Variants in LDLRAD4 observed in about 807,000 individuals in gnomAD.
LDLRAD4 encodes low-density lipoprotein receptor class A domain-containing protein 4.
A neutral mutation model predicts 17.0 loss-of-function variants in LDLRAD4; 5 were observed. That is an observed-to-expected ratio of 0.29 (90% CI 0.15 to 0.62). LDLRAD4 has a LOEUF of 0.62. Among genes scored for constraint, LDLRAD4 ranks in the 20% least tolerant of loss-of-function variants. The probability of loss-of-function intolerance (pLI) is 0.84; values close to 1 mark genes in which losing one functional copy is unlikely to be tolerated. For synonymous variants in LDLRAD4, 168 were observed against 171.8 expected, an observed-to-expected ratio of 0.98 and a Z score of 0.17; for missense variants, 340 against 424.7, an observed-to-expected ratio of 0.80 and a Z score of 1.75.
intron 2 of LDLRAD4, among the ~76,000 whole-genome samples, chr18:13,425,072 C>T (rs2089816955): frequency 1.3e-5 from 2 of 152,028 alleles, no homozygotes; most frequent in Admixed American, 6.5e-5. Context: ...GTTCTGGGAC[C>T]CAGGGAAATA....
chr18:13,326,749 C>T (rs528872502), intron 1 of LDLRAD4, among the ~76,000 whole-genome samples: 78 of 151,818 alleles, frequency 5.1e-4, no homozygotes, highest in African/African-American at 1.7e-3. Flanking sequence ...TTCCCTTTTG[C>T]GTAAGGAATT....
intron 3 of LDLRAD4, among the ~76,000 whole-genome samples, chr18:13,452,299 C>T (rs766147007): frequency 2.1e-4 from 32 of 152,264 alleles, no homozygotes; most frequent in Non-Finnish European, 7.4e-5. Flanking sequence ...ACGGTGGCAG[C>T]GGCGGCTCCT....
chr18:13,513,444 A>C (rs1323879682), intron 3 of LDLRAD4, among the ~76,000 whole-genome samples: 1 of 152,140 alleles, frequency 6.6e-6, no homozygotes, highest in Non-Finnish European at 1.5e-5. Flanking sequence ...GGCCATACTT[A>C]TATAGTTAAG....
intron 3 of LDLRAD4, chr18:13,616,013 T>C (rs1397044513): frequency 1.3e-5 from 2 of 152,250 alleles, no homozygotes; most frequent in African/African-American, 2.4e-5. Flanking sequence ...GTTTTATTTT[T>C]CTAAACTTTC....
intron 1 of LDLRAD4, among the ~76,000 whole-genome samples, chr18:13,332,710 A>G (rs1015065356): frequency 2.7e-5 from 4 of 147,848 alleles, no homozygotes; most frequent in Admixed American, 1.3e-4. Context: ...ATGTTCTCCT[A>G]TGCCTTTTTG....
chr18:13,463,394 A>G (rs2092505340), intron 3 of LDLRAD4, among the ~76,000 whole-genome samples: 1 of 152,182 alleles, frequency 6.6e-6, no homozygotes, highest in Non-Finnish European at 1.5e-5. Flanking sequence ...ATCCCAGGGC[A>G]CCTGCCTGAC....
intron 3 of LDLRAD4, chr18:13,461,269 G>A (rs955041787): frequency 6.6e-6 from 1 of 152,426 alleles, no homozygotes; most frequent in Non-Finnish European, 1.5e-5. Flanking sequence ...GATAGCCTTG[G>A]GGACTGCATG....
Position 13,579,002 on chromosome 18 carries a change from A to G in LDLRAD4, c.182-42115A>G, listed in dbSNP as rs151148233. 0.022 allele frequency among the ~76,000 whole-genome samples: 3,362 copies of G among 151,878 alleles called. 266 individuals carry two copies. The East Asian group carries it at 0.26, about 12-fold the overall frequency. On this transcript the variant is annotated intron_variant, in intron 3 of 5. Coordinates refer to ENST00000359446, the Ensembl canonical transcript of LDLRAD4. ...TCAGGAGATCGAGACCATCCTGACT[A>G]ACACGGTGAAACCCCGTCTCTACTA...
At chr18:13,481,892 T>G (rs2093095921) in intron 3 of LDLRAD4, among the ~76,000 whole-genome samples, 1 of 152,050 alleles carries the variant, frequency 6.6e-6, no homozygotes, top group Non-Finnish European at 1.5e-5. Context: ...GAGTGGAGTT[T>G]GCTGGGCAGG....
intron 3 of LDLRAD4, among the ~76,000 whole-genome samples, chr18:13,506,855 A>G (rs971696516): frequency 6.6e-6 from 1 of 152,236 alleles, no homozygotes; most frequent in Non-Finnish European, 1.5e-5. Context: ...CATGGCACTC[A>G]TCTGTCATTT....
At chr18:13,247,247 G>A (rs2042999736) in intron 1 of LDLRAD4, among the ~76,000 whole-genome samples, 1 of 152,140 alleles carries the variant, frequency 6.6e-6, no homozygotes, top group Non-Finnish European at 1.5e-5. Context: ...TGAAATAATT[G>A]TAGATTTTCA....
chr18:13,308,561 C>T (rs1046228337), intron 1 of LDLRAD4, among the ~76,000 whole-genome samples: 18 of 152,128 alleles, frequency 1.2e-4, no homozygotes, highest in Non-Finnish European at 2.6e-4. Flanking sequence ...GGTGCCTGTT[C>T]GACCACATCC....
At chr18:13,449,627 T>C (rs2091661093) in intron 3 of LDLRAD4, among the ~76,000 whole-genome samples, 1 of 152,278 alleles carries the variant, frequency 6.6e-6, no homozygotes, top group Non-Finnish European at 1.5e-5. Context: ...CCAGGCTGTC[T>C]GCTGTGGATG....
intron 3 of LDLRAD4, among the ~76,000 whole-genome samples, chr18:13,532,010 A>G (rs2094136063): frequency 6.6e-6 from 1 of 152,068 alleles, no homozygotes; most frequent in South Asian, 2.1e-4. Context: ...CAATGTAGGC[A>G]GAGTGTGGTC....
chr18:13,366,584 G>A (rs1459330168), intron 1 of LDLRAD4, among the ~76,000 whole-genome samples: 1 of 152,210 alleles, frequency 6.6e-6, no homozygotes, highest in Non-Finnish European at 1.5e-5. Flanking sequence ...ATTTGATACT[G>A]AAACTTCAGC....
chr18:13,268,303 C>A (rs549444773), intron 1 of LDLRAD4, among the ~76,000 whole-genome samples: 16 of 152,332 alleles, frequency 1.1e-4, no homozygotes, highest in African/African-American at 3.8e-4. Flanking sequence ...CTGCTTCCCT[C>A]CCCTGTTGGG....
At chr18:13,403,481 A>C (rs1465205788) in intron 2 of LDLRAD4, among the ~76,000 whole-genome samples, 1 of 152,244 alleles carries the variant, frequency 6.6e-6, no homozygotes, top group African/African-American at 2.4e-5. Context: ...TTGCTTTCAG[A>C]ATAAATGGCA....
chr18:13,518,893 G>A (rs1304797786), intron 3 of LDLRAD4, among the ~76,000 whole-genome samples: 2 of 152,062 alleles, frequency 1.3e-5, no homozygotes, highest in Admixed American at 6.6e-5. Context: ...CTTGCAGGCC[G>A]CTAGGGTAGG....
intron 3 of LDLRAD4, among the ~76,000 whole-genome samples, chr18:13,495,485 G>T (rs2093449829): frequency 6.6e-6 from 1 of 152,316 alleles, no homozygotes. Flanking sequence ...TCCCTTGCGG[G>T]ATCCCACTTA....
Sources: gnomAD v4.1 joint callset for allele counts (sites outside exome capture counted in the v4.1 genomes callset) on GRCh38, gnomAD v4.1.1 for gene constraint, MANE v1.5 for transcripts, NCBI Gene and HGNC (gene_info 2026-07-23, HGNC 2026-07-21) for gene names.